ANKS1B: variants seen among roughly 807,000 people sequenced by gnomAD.
ANKS1B encodes ankyrin repeat and sterile alpha motif domain containing 1B.
A neutral mutation model predicts 148.3 loss-of-function variants in ANKS1B; 36 were observed. The observed-to-expected ratio is 0.24, with a 90% confidence interval of 0.19 to 0.32. The LOEUF is 0.32. ANKS1B is among the 10% of genes least tolerant of loss of function. The pLI is 1.00. For synonymous variants in ANKS1B, 542 were observed against 560.8 expected, an observed-to-expected ratio of 0.97 and a Z score of 0.47; for missense variants, 1,157 against 1,542.6, an observed-to-expected ratio of 0.75 and a Z score of 4.19.
chr12:98,945,153 T>C (rs1172663264), intron 17 of ANKS1B, among the ~76,000 whole-genome samples: 3 of 152,156 alleles, frequency 2.0e-5, no homozygotes, highest in African/African-American at 7.2e-5. Context: ...CCAGATTTCA[T>C]GTCCCATATG....
intron 11 of ANKS1B, among the ~76,000 whole-genome samples, chr12:99,410,559 C>T (rs570730247): frequency 6.6e-6 from 1 of 152,264 alleles, no homozygotes; most frequent in African/African-American, 2.4e-5. Flanking sequence ...GTCCCAGCTA[C>T]TCGGGAGGCT....
intron 1 of ANKS1B, among the ~76,000 whole-genome samples, chr12:99,960,673 G>A (rs2095397958): frequency 6.6e-6 from 1 of 152,144 alleles, no homozygotes; most frequent in Non-Finnish European, 1.5e-5. Context: ...CTCAGGTGTT[G>A]GCGGCCCTTA....
chr12:99,920,871 T>C (rs2094331404), intron 1 of ANKS1B, among the ~76,000 whole-genome samples: 1 of 152,166 alleles, frequency 6.6e-6, no homozygotes. Flanking sequence ...GTGAGGACAA[T>C]CTTCTTTACT....
intron 17 of ANKS1B, among the ~76,000 whole-genome samples, chr12:99,040,009 C>T (rs761849337): frequency 7.2e-5 from 11 of 152,108 alleles, no homozygotes; most frequent in Non-Finnish European, 1.2e-4. Flanking sequence ...CAAGGAGATA[C>T]ATGTGTGGGA....
chr12:98,853,804 G>GC (rs1300432885), intron 17 of ANKS1B, among the ~76,000 whole-genome samples: 10 of 152,180 alleles, frequency 6.6e-5, no homozygotes, highest in Non-Finnish European at 1.5e-4. Context: ...ACTCTATTCA[G>GC]CCCAGCATCT....
intron 11 of ANKS1B, among the ~76,000 whole-genome samples, chr12:99,434,335 AT>A (rs1030722361): frequency 6.6e-6 from 1 of 152,056 alleles, no homozygotes; most frequent in African/African-American, 2.4e-5. Context: ...TTCCCAGAAT[AT>A]TTTTTCTTTC....
chr12:99,464,667 C>T lies in ANKS1B; in HGVS notation c.1439-20858G>A, dbSNP rs188145450. ...AATGCAGAAGCCTCAGGAGCCGATG[C>T]GATCAACTGGAACAAAGGGTATCAG... On this transcript the variant is annotated intron_variant, in intron 10 of 26. Coordinates refer to ENST00000683438, the MANE Select transcript of ANKS1B (RefSeq NM_001352186.2). 3.9e-3 allele frequency among the ~76,000 whole-genome samples: 590 copies of T among 152,116 alleles called. 4 individuals are homozygous for T. Among genetic ancestry groups the T allele is most frequent in the Middle Eastern group, 6.8e-3 (2 of 294 alleles).
At chr12:99,409,426 T>A (rs910711066) in intron 11 of ANKS1B, among the ~76,000 whole-genome samples, 3 of 152,106 alleles carry the variant, frequency 2.0e-5, no homozygotes, top group Non-Finnish European at 4.4e-5. Flanking sequence ...ATGAATAAGA[T>A]CTAGTATTTG....
At chr12:99,382,616 T>A (rs930940099) in intron 12 of ANKS1B, among the ~76,000 whole-genome samples, 4 of 150,422 alleles carry the variant, frequency 2.7e-5, no homozygotes, top group African/African-American at 9.8e-5. Context: ...AAGAATCACT[T>A]GAACTTGGGA....
chr12:99,537,067 G>A (rs945789362), intron 9 of ANKS1B, among the ~76,000 whole-genome samples: 1 of 152,154 alleles, frequency 6.6e-6, no homozygotes, highest in African/African-American at 2.4e-5. Flanking sequence ...TTCCATCCAT[G>A]TTGTTGCAAA....
At chr12:99,239,612 T>C (rs981954886) in intron 14 of ANKS1B, among the ~76,000 whole-genome samples, 1 of 151,872 alleles carries the variant, frequency 6.6e-6, no homozygotes, top group Non-Finnish European at 1.5e-5. Flanking sequence ...AGACACATAA[T>C]CATCAGATTC....
intron 9 of ANKS1B, among the ~76,000 whole-genome samples, chr12:99,619,328 T>A (rs1293236998): frequency 2.0e-5 from 3 of 151,810 alleles, no homozygotes; most frequent in African/African-American, 7.3e-5. Flanking sequence ...GTGCATAGAC[T>A]TAGATACAGT....
chr12:98,752,484 C>T (rs972578804), intron 25 of ANKS1B, among the ~76,000 whole-genome samples: 23 of 152,138 alleles, frequency 1.5e-4, no homozygotes, highest in East Asian at 1.2e-3. Context: ...GTCTCATATT[C>T]CTGACCTCAT....
intron 9 of ANKS1B, among the ~76,000 whole-genome samples, chr12:99,621,652 G>A (rs959876658): frequency 2.0e-4 from 31 of 151,996 alleles, no homozygotes; most frequent in African/African-American, 7.2e-4. Context: ...AGTAGAAAAG[G>A]AGAAAGAAGG....
chr12:99,636,939 A>G (rs573652556), intron 9 of ANKS1B, among the ~76,000 whole-genome samples: 33 of 152,368 alleles, frequency 2.2e-4, no homozygotes, highest in African/African-American at 7.9e-4. Flanking sequence ...AAAAAATACA[A>G]TTGCCTCAAA....
chr12:98,928,112 G>A lies in ANKS1B; in HGVS notation c.2779-95976C>T, dbSNP rs544204530. On this transcript the variant is annotated intron_variant, in intron 17 of 26. Coordinates refer to ENST00000683438, the MANE Select transcript of ANKS1B (RefSeq NM_001352186.2). ...AATTAGGACTGTAAGAGGGGATATT[G>A]GCTGTGCAGAAATAAAACAAAAGAT... 6.7e-4 allele frequency among the ~76,000 whole-genome samples: 102 copies of A among 151,494 alleles called. 1 individual carries two copies. The highest frequency in any genetic ancestry group is 2.2e-3 in the African/African-American group (90 of 41,456).
intron 12 of ANKS1B, among the ~76,000 whole-genome samples, chr12:99,358,126 G>A (rs77762407): frequency 0.016 from 2,481 of 151,434 alleles, 72 homozygotes; most frequent in African/African-American, 0.057. Context: ...TTTTATATAG[G>A]TTAACATTTA....
At chr12:98,788,471 C>T (rs2098818123) in intron 22 of ANKS1B, among the ~76,000 whole-genome samples, 1 of 152,104 alleles carries the variant, frequency 6.6e-6, no homozygotes, top group African/African-American at 2.4e-5. Flanking sequence ...ATTAATGAGG[C>T]TAAATGACCT....
intron 9 of ANKS1B, among the ~76,000 whole-genome samples, chr12:99,512,092 A>G (rs1165809631): frequency 6.6e-6 from 1 of 152,150 alleles, no homozygotes; most frequent in Non-Finnish European, 1.5e-5. Flanking sequence ...AAGCTTCTAC[A>G]CAGCAAAAGA....
Sources: allele counts gnomAD v4.1 joint callset (sites outside exome capture counted in the v4.1 genomes callset), GRCh38; gene constraint gnomAD v4.1.1; transcripts MANE v1.5; gene names NCBI Gene and HGNC (gene_info 2026-07-23, HGNC 2026-07-21).